Variants in CCDC7 observed in about 807,000 individuals in gnomAD.
CCDC7 encodes the protein coiled-coil domain-containing protein 7.
Under a neutral mutation model 196.9 loss-of-function variants are expected in CCDC7, and 183 were observed. That is an observed-to-expected ratio of 0.93 (90% CI 0.82 to 1.05). CCDC7 has a LOEUF of 1.05. CCDC7 is among the 50% of genes least tolerant of loss of function. The pLI is 0.00. For synonymous variants in CCDC7, 525 were observed against 484.6 expected (o/e 1.08, Z -1.10); for missense variants, 1,540 against 1,482.2 (o/e 1.04, Z -0.64).
intron 18 of CCDC7, among the ~76,000 whole-genome samples, chr10:32,606,949 T>C (rs2061614024): frequency 6.6e-6 from 1 of 152,212 alleles, no homozygotes; most frequent in South Asian, 2.1e-4. Context: ...CAGAATGATA[T>C]GGTTTGGATA....
intron 24 of CCDC7, among the ~76,000 whole-genome samples, chr10:32,699,983 A>G (rs906745951): frequency 1.3e-5 from 2 of 148,920 alleles, no homozygotes; most frequent in Admixed American, 1.3e-4. Context: ...GATTGCAAAA[A>G]TTTTCTCCCA....
intron 18 of CCDC7, among the ~76,000 whole-genome samples, chr10:32,614,425 G>A (rs1052469197): frequency 2.7e-4 from 41 of 151,740 alleles, no homozygotes; most frequent in African/African-American, 9.2e-4. Context: ...TTTTCATTGG[G>A]GCATTTAGCC....
chr10:32,542,150 A>C (rs2051554709), intron 11 of CCDC7, among the ~76,000 whole-genome samples: 1 of 152,196 alleles, frequency 6.6e-6, no homozygotes, highest in Admixed American at 6.5e-5. Flanking sequence ...TCTAATTGTT[A>C]ATTTTTCCCT....
intron 30 of CCDC7, among the ~76,000 whole-genome samples, chr10:32,809,644 T>C (rs1031064158): frequency 6.6e-6 from 1 of 152,116 alleles, no homozygotes; most frequent in Admixed American, 6.5e-5. Context: ...TCATCACTGG[T>C]CATCAGAGAA....
At chr10:32,530,963 G>A (rs914626185) in intron 11 of CCDC7, among the ~76,000 whole-genome samples, 17 of 151,980 alleles carry the variant, frequency 1.1e-4, no homozygotes, top group African/African-American at 2.9e-4. Flanking sequence ...GGTTTTTATC[G>A]TAAAGGATGT....
At position 32,556,593 on chromosome 10, in the gene CCDC7, C is replaced by T. The variant is rs549761810; in HGVS notation, c.1135-8965C>T. 2.6e-4 allele frequency among the ~76,000 whole-genome samples: 40 copies of T among 152,214 alleles called. 1 individual carries two copies. The South Asian group carries it at 8.1e-3, about 31-fold the overall frequency. On this transcript the variant is annotated intron_variant, in intron 13 of 41. Transcript: ENST00000639629. ...ACTGTTTTAAGTCTTCTATCTTTTT[C>T]ATCATGGCTTCTATGTGTATGTTTG...
intron 18 of CCDC7, among the ~76,000 whole-genome samples, chr10:32,617,566 T>G (rs577336376): frequency 1.3e-5 from 2 of 151,984 alleles, no homozygotes; most frequent in African/African-American, 4.8e-5. Flanking sequence ...AGAAGCCTAC[T>G]GTTTAAATTT....
intron 15 of CCDC7, among the ~76,000 whole-genome samples, chr10:32,570,515 A>G (rs1172458834): frequency 1.3e-5 from 2 of 152,228 alleles, no homozygotes; most frequent in Non-Finnish European, 2.9e-5. Flanking sequence ...CCTGGTGTTA[A>G]TAGTCCAAGG....
chr10:32,500,240 A>G (rs2043713410), intron 9 of CCDC7, among the ~76,000 whole-genome samples: 1 of 143,584 alleles, frequency 7.0e-6, no homozygotes, highest in South Asian at 2.2e-4. Context: ...CTGCCCCCCG[A>G]CCTCCTGGAC....
chr10:32,507,910 A>G (rs1371167609), intron 9 of CCDC7, among the ~76,000 whole-genome samples: 2 of 152,220 alleles, frequency 1.3e-5, no homozygotes, highest in African/African-American at 4.8e-5. Flanking sequence ...CCTACAGCTA[A>G]CATTACACTC....
chr10:32,595,170 G>A (rs1204487256), intron 18 of CCDC7, among the ~76,000 whole-genome samples: 3 of 152,254 alleles, frequency 2.0e-5, no homozygotes, highest in Admixed American at 6.5e-5. Context: ...CTGTGAATCT[G>A]TCTGGTCCTG....
intron 41 of CCDC7, among the ~76,000 whole-genome samples, chr10:32,867,411 C>A (rs1382117769): frequency 6.6e-6 from 1 of 151,128 alleles, no homozygotes; most frequent in Non-Finnish European, 1.5e-5. Context: ...ATGTTTATAA[C>A]ACATACATCT....
intron 28 of CCDC7, among the ~76,000 whole-genome samples, chr10:32,761,451 A>G (rs901156723): frequency 9.9e-5 from 15 of 151,970 alleles, no homozygotes; most frequent in Admixed American, 6.6e-4. Context: ...TGATACCTTA[A>G]CATACTTTTG....
chr10:32,676,481 G>T (rs1249644988), intron 21 of CCDC7, among the ~76,000 whole-genome samples: 1 of 151,392 alleles, frequency 6.6e-6, no homozygotes, highest in Non-Finnish European at 1.5e-5. Context: ...CTGACAAAGG[G>T]CTAATATCCA....
chr10:32,838,963 C>G (rs56983672), intron 33 of CCDC7, among the ~76,000 whole-genome samples: 21,864 of 151,852 alleles, frequency 0.14, 1,918 homozygotes, highest in African/African-American at 0.25. Flanking sequence ...CTAGCCAGTA[C>G]TATAAGAACT....
intron 3 of CCDC7, among the ~76,000 whole-genome samples, chr10:32,459,299 A>G (rs559359712): frequency 6.6e-6 from 1 of 152,218 alleles, no homozygotes; most frequent in African/African-American, 2.4e-5. Flanking sequence ...GAGTTAGGTG[A>G]AACTAACTCA....
chr10:32,563,375 C>T (rs1179189609), intron 13 of CCDC7, among the ~76,000 whole-genome samples: 1 of 152,204 alleles, frequency 6.6e-6, no homozygotes, highest in Non-Finnish European at 1.5e-5. Context: ...AAGCTGGAGG[C>T]ATCATGCTAC....
At chr10:32,845,695 G>T in intron 35 of CCDC7, 69 bp downstream of exon 36, 1 of 1,376,436 alleles carries the variant, frequency 7.3e-7, no homozygotes, top group Non-Finnish European at 1.0e-6. Flanking sequence ...ATTAAGTGTG[G>T]ACATTTAATG....
At chr10:32,523,137 A>G (rs188872337) in intron 11 of CCDC7, among the ~76,000 whole-genome samples, 1 of 152,356 alleles carries the variant, frequency 6.6e-6, no homozygotes, top group East Asian at 1.9e-4. Context: ...TGTATTCTGC[A>G]ACCGTTGGAT....
Sources: allele counts gnomAD v4.1 joint callset (sites outside exome capture counted in the v4.1 genomes callset), GRCh38; gene constraint gnomAD v4.1.1; transcripts MANE v1.5; gene names NCBI Gene and HGNC (gene_info 2026-07-23, HGNC 2026-07-21).